SUMF1: variants seen among roughly 807,000 people sequenced by gnomAD.
SUMF1 encodes sulfatase modifying factor 1.
In SUMF1, 48 loss-of-function variants were observed where a neutral mutation model predicts 47.6. That is an observed-to-expected ratio of 1.01 (90% CI 0.80 to 1.28). SUMF1 has a LOEUF of 1.28. Ranked by LOEUF, SUMF1 falls within the 50% of genes most tolerant of loss-of-function variation. SUMF1 has a pLI of 0.00. For missense variants in SUMF1, 571 were observed against 485.4 expected (o/e 1.18, Z -1.66); for synonymous variants, 230 against 192.1 (o/e 1.20, Z -1.63).
At chr3:4,412,415 G>A (rs1302739271) in intron 6 of SUMF1, among the ~76,000 whole-genome samples, 2 of 152,106 alleles carry the variant, frequency 1.3e-5, no homozygotes, top group Non-Finnish European at 2.9e-5. Flanking sequence ...TTTCAAATAG[G>A]GCTCAGAGTT....
At chr3:4,153,672 A>C (rs1315092719) in intron 8 of SUMF1, among the ~76,000 whole-genome samples, 1 of 151,460 alleles carries the variant, frequency 6.6e-6, no homozygotes, top group Non-Finnish European at 1.5e-5. Flanking sequence ...ATTTCAGTTA[A>C]AAACTGGTGT....
intron 8 of SUMF1, among the ~76,000 whole-genome samples, chr3:4,252,367 CA>C (rs1696822618): frequency 1.4e-5 from 2 of 140,946 alleles, no homozygotes; most frequent in Non-Finnish European, 1.6e-5. Context: ...CACACACACA[CA>C]CACACACACA....
At chr3:4,319,349 G>A (rs1698771109) in intron 8 of SUMF1, among the ~76,000 whole-genome samples, 1 of 152,166 alleles carries the variant, frequency 6.6e-6, no homozygotes, top group African/African-American at 2.4e-5. Flanking sequence ...TATTTCACTG[G>A]GTGCTGCAGC....
rs144750387 is a variant in SUMF1, at chr3:4,418,017, G to A, written c.718C>T (p.His240Tyr). The change falls in exon 5 of 9, where the codon CAT (histidine) becomes TAT (tyrosine). Residue 240 changes from histidine to tyrosine, a missense_variant. Coordinates refer to ENST00000272902, the MANE Select transcript of SUMF1 (RefSeq NM_182760.4). ...ATGAGATCCTCTAAATACCTATTAT[G>A]CAGGCCTCCTCGACAGCTGTATTCC... is the stretch of plus-strand genomic sequence containing the variant. Reference protein sequence around the residue: ...EWEYSCRGGLHNRLFPWGNKL... With the variant: ...EWEYSCRGGLYNRLFPWGNKL... 6.2e-7 allele frequency: 1 copy of A among 1,613,870 alleles called. No individual in the cohort carries two copies. The highest frequency in any genetic ancestry group is 8.5e-7 in the Non-Finnish European group (1 of 1,180,000).
At position 4,221,907 on chromosome 3, in the gene SUMF1, T is replaced by A. The variant is rs566743899; in HGVS notation, c.1015-153162A>T. 9.2e-4 allele frequency among the ~76,000 whole-genome samples: 140 copies of A among 152,200 alleles called. 1 individual carries two copies. Among genetic ancestry groups the A allele is most frequent in the Admixed American group, 5.4e-3 (82 of 15,256 alleles). ...AATTGCTGGGGGGTAGAATTGTGAT[T>A]TTTTTTCTTTTCCTTATAACGTTTT... On this transcript the variant is annotated intron_variant and NMD_transcript_variant, in intron 8 of 12. Transcript: ENST00000448413.
chr3:4,198,786 G>T (rs766257638), intron 8 of SUMF1, among the ~76,000 whole-genome samples: 6 of 151,950 alleles, frequency 3.9e-5, no homozygotes, highest in Non-Finnish European at 5.9e-5. Context: ...CACTGAAGAA[G>T]AGACTCAGCA....
intron 9 of SUMF1, among the ~76,000 whole-genome samples, chr3:4,044,100 C>T (rs1694963158): frequency 6.6e-6 from 1 of 151,998 alleles, no homozygotes; most frequent in Non-Finnish European, 1.5e-5. Flanking sequence ...TACACATAAC[C>T]TATAATAATA....
chr3:4,292,256 T>C (rs1697755456), intron 8 of SUMF1, among the ~76,000 whole-genome samples: 1 of 152,346 alleles, frequency 6.6e-6, no homozygotes, highest in East Asian at 1.9e-4. Flanking sequence ...TGATCATTTC[T>C]AGTTTAAAAA....
intron 8 of SUMF1, among the ~76,000 whole-genome samples, chr3:4,236,067 C>A (rs575347753): frequency 3.9e-5 from 6 of 152,192 alleles, no homozygotes; most frequent in African/African-American, 1.4e-4. Flanking sequence ...CTTAGCCCCC[C>A]AGATAGCTGG....
At chr3:4,149,315 G>C (rs1438864020) in intron 8 of SUMF1, among the ~76,000 whole-genome samples, 1 of 152,100 alleles carries the variant, frequency 6.6e-6, no homozygotes, top group African/African-American at 2.4e-5. Context: ...CCCCATAATG[G>C]AGTCTTCTTG....
At chr3:4,378,882 C>T (rs1301479637) in intron 7 of SUMF1, among the ~76,000 whole-genome samples, 1 of 152,072 alleles carries the variant, frequency 6.6e-6, no homozygotes, top group Non-Finnish European at 1.5e-5. Flanking sequence ...GATCTAGGAA[C>T]AAGAAGGAGT....
At chr3:4,386,912 G>T (rs1417024042) in intron 7 of SUMF1, among the ~76,000 whole-genome samples, 4 of 150,652 alleles carry the variant, frequency 2.7e-5, no homozygotes, top group Non-Finnish European at 5.9e-5. Context: ...TACACTGACT[G>T]ATTTTTAAAT....
chr3:4,390,210 G>A (rs535800338), intron 7 of SUMF1, among the ~76,000 whole-genome samples: 1 of 152,148 alleles, frequency 6.6e-6, no homozygotes, highest in African/African-American at 2.4e-5. Flanking sequence ...CGATTCAGAA[G>A]GGACCCCTCA....
At chr3:4,359,654 G>A (rs539558472), downstream of SUMF1, among the ~76,000 whole-genome samples, 2 of 152,274 alleles carry the variant, frequency 1.3e-5, no homozygotes, top group Non-Finnish European at 2.9e-5. Flanking sequence ...TGAGTGCTGA[G>A]CAATGGGGGA....
intron 8 of SUMF1, among the ~76,000 whole-genome samples, chr3:4,175,151 C>T (rs1409444270): frequency 6.6e-6 from 1 of 152,194 alleles, no homozygotes; most frequent in Non-Finnish European, 1.5e-5. Context: ...ATTTAAACGT[C>T]CCTGTCTGAC....
chr3:4,084,662 A>G (rs1429613316), intron 8 of SUMF1, among the ~76,000 whole-genome samples: 2 of 152,162 alleles, frequency 1.3e-5, no homozygotes, highest in African/African-American at 4.8e-5. Flanking sequence ...TCTTTGATCC[A>G]TAGAACTGCT....
At chr3:4,102,999 T>G (rs1208222374) in intron 8 of SUMF1, among the ~76,000 whole-genome samples, 4 of 151,672 alleles carry the variant, frequency 2.6e-5, no homozygotes, top group Non-Finnish European at 5.9e-5. Context: ...CTCAGCTCAC[T>G]GCAACCTCCA....
intron 8 of SUMF1, among the ~76,000 whole-genome samples, chr3:4,101,334 C>G (rs2125061652): frequency 6.6e-6 from 1 of 152,160 alleles, no homozygotes. Flanking sequence ...GAAATTCTGT[C>G]ATTTATGACA....
Position 4,449,321 on chromosome 3 carries a change from G to A in SUMF1, c.464C>T (p.Ser155Phe), listed in dbSNP as rs1702889459. ...YLTEAEKFGD[S>F]FVFEGMLSEQ... ...ACTCAACATGCCTTCAAAGACAAAG[G>A]AGTCGCCAAACTTCTCAGCCTATAA... The change falls in exon 3 of 9, where the codon TCC becomes TTC. Residue 155 changes from serine to phenylalanine, a missense_variant. Ser to Phe is a radical substitution (Grantham distance 155). Transcript: ENST00000272902. 1.2e-6 allele frequency: 2 copies of A among 1,614,112 alleles called. No individual in the cohort carries two copies. The highest frequency in any genetic ancestry group is 8.5e-7 in the Non-Finnish European group (1 of 1,179,976).
Sources: allele counts gnomAD v4.1 joint callset (sites outside exome capture counted in the v4.1 genomes callset), GRCh38; gene constraint gnomAD v4.1.1; transcripts MANE v1.5; gene names NCBI Gene and HGNC (gene_info 2026-07-23, HGNC 2026-07-21).